The following DDX60L variants were observed in gnomAD, a reference collection of about 807,000 sequenced individuals.
DDX60L encodes the protein DExD/H-box 60 like, also known as probable ATP-dependent RNA helicase DDX60-like.
In DDX60L, 191 loss-of-function variants were observed where a neutral mutation model predicts 211.6. The ratio of observed to expected loss-of-function variants is 0.90; its 90% confidence interval spans 0.80 to 1.02. The LOEUF is 1.02. Among genes scored for constraint, DDX60L ranks in the 50% least tolerant of loss-of-function variants. The probability of loss-of-function intolerance (pLI) is 0.00; values close to 1 mark genes in which losing one functional copy is unlikely to be tolerated. For missense variants in DDX60L, 2,007 were observed against 1,984.1 expected (o/e 1.01, Z -0.22); for synonymous variants, 706 against 694.1 (o/e 1.02, Z -0.27).
At chr4:168,442,110 G>A (rs770148617) in intron 9 of DDX60L, among the ~76,000 whole-genome samples, 3 of 152,054 alleles carry the variant, frequency 2.0e-5, no homozygotes, top group South Asian at 2.1e-4. Flanking sequence ...TCTCACTAGG[G>A]AGTGCCAGAC....
At chr4:168,379,336 G>T in intron 32 of DDX60L, 27 bp downstream of exon 32, 2 of 1,484,572 alleles carry the variant, frequency 1.3e-6, no homozygotes, top group South Asian at 2.9e-5. Flanking sequence ...GCCATTTTTC[G>T]ACTACAGGTA....
At chr4:168,438,870 T>C (rs1005699585) in intron 10 of DDX60L, among the ~76,000 whole-genome samples, 2 of 152,372 alleles carry the variant, frequency 1.3e-5, no homozygotes, top group Middle Eastern at 3.4e-3. Context: ...TATTTTGTCT[T>C]GAAAATACGT....
At chr4:168,369,628 C>T (rs951695687) in intron 36 of DDX60L, among the ~76,000 whole-genome samples, 2 of 151,732 alleles carry the variant, frequency 1.3e-5, no homozygotes, top group African/African-American at 4.8e-5. Context: ...GTAAAGAAAA[C>T]AACAGAGTGG....
rs920317758 is a variant in DDX60L, at chr4:168,406,211, T to A, written c.3085-133A>T. The A allele has an allele frequency of 3.9e-6, 3 of 773,804 alleles. No individual in the cohort carries two copies. The African/African-American group carries it at 5.4e-5, about 14-fold the overall frequency. 47.9% of individuals were successfully genotyped at this position (773,804 alleles called of 1,614,324 possible). ...CCTTGAGGGCAGAGGCTGTTGAACATCTTTTTACCTCCCAATAATTTCTAA... is the reference window on the plus strand; with the variant it reads ...CCTTGAGGGCAGAGGCTGTTGAACAACTTTTTACCTCCCAATAATTTCTAA... On this transcript the variant is annotated intron_variant, in intron 23 of 37. Coordinates refer to ENST00000682922, the MANE Select transcript of DDX60L (RefSeq NM_001012967.3).
intron 16 of DDX60L, among the ~76,000 whole-genome samples, chr4:168,422,274 A>G (rs1043661761): frequency 2.6e-5 from 4 of 152,260 alleles, no homozygotes; most frequent in South Asian, 4.1e-4. Flanking sequence ...AAGAACTAGT[A>G]ATGCCACATT....
intron 10 of DDX60L, among the ~76,000 whole-genome samples, chr4:168,439,138 T>C (rs1050492796): frequency 3.9e-5 from 6 of 152,164 alleles, no homozygotes; most frequent in Admixed American, 1.3e-4. Context: ...TTTAAGGATA[T>C]GTATATGGGT....
At position 168,439,650 on chromosome 4, in the gene DDX60L, A is replaced by G. The variant is rs1239739251; in HGVS notation, c.1294+1687T>C. On this transcript the variant is annotated intron_variant, in intron 10 of 37. Coordinates refer to ENST00000682922, the MANE Select transcript of DDX60L (RefSeq NM_001012967.3). The stretch of plus-strand genomic sequence containing the variant: ...ACCTGTCAGCAGACTATTATTAAAA[A>G]TCAACAAGCCAATTATAAAATTTAA... 1.3e-5 allele frequency among the ~76,000 whole-genome samples: 2 copies of G among 152,354 alleles called. 1 individual carries two copies. Among genetic ancestry groups the G allele is most frequent in the East Asian group, 3.9e-4 (2 of 5,188 alleles).
intron 35 of DDX60L, among the ~76,000 whole-genome samples, chr4:168,372,634 G>A (rs1741227295): frequency 1.3e-5 from 2 of 151,998 alleles, no homozygotes; most frequent in African/African-American, 4.8e-5. Flanking sequence ...GACTGAGGTG[G>A]GAGGATCACC....
chr4:168,386,702 C>T lies in DDX60L; in HGVS notation c.3916-1890G>A, dbSNP rs3762854. ...GATGTTTTTTTAATCAAAGTCACGT[C>T]CCCAAGGGCCAGGTGAGCCTGCCTC... On this transcript the variant is annotated intron_variant, in intron 29 of 37. Coordinates refer to ENST00000682922, the MANE Select transcript of DDX60L (RefSeq NM_001012967.3). Among the ~76,000 whole-genome samples, 190 of 152,130 alleles carry T rather than the reference C, an allele frequency of 1.2e-3. 1 individual carries two copies. Among genetic ancestry groups the T allele is most frequent in the Admixed American group, 0.01 (156 of 15,278 alleles).
At position 168,441,387 on chromosome 4, in the gene DDX60L, A is replaced by G; in HGVS notation, c.1244T>C (p.Leu415Pro). Reference protein sequence around the residue: ...KEFNVGKSFPLRTTRRHFLRQ... With the variant: ...KEFNVGKSFPPRTTRRHFLRQ... ...AAGAAAATGTCTTCTTGTTGTTCTCAGAGGAAAAGACTTTCCAACGTTAAA... is the reference window on the plus strand; with the variant it reads ...AAGAAAATGTCTTCTTGTTGTTCTCGGAGGAAAAGACTTTCCAACGTTAAA... Residue 415 changes from leucine (L) to proline (P), a missense_variant, in exon 10 of 38, where the codon CTG becomes CCG. Leu to Pro is a moderately conservative substitution (Grantham distance 98). Coordinates refer to ENST00000682922, the MANE Select transcript of DDX60L (RefSeq NM_001012967.3). 1 of 1,612,508 alleles carries G rather than the reference A, an allele frequency of 6.2e-7. No individual in the cohort carries two copies. Among genetic ancestry groups the G allele is most frequent in the Non-Finnish European group, 8.5e-7 (1 of 1,179,230 alleles).
At chr4:168,472,546 G>A in intron 2 of DDX60L, 22 bp from the exon 3 acceptor site, 1 of 1,577,248 alleles carries the variant, frequency 6.3e-7, no homozygotes, top group Non-Finnish European at 8.6e-7. Flanking sequence ...GAGATTTTTT[G>A]AGCCATCAAT....
intron 18 of DDX60L, among the ~76,000 whole-genome samples, chr4:168,419,877 T>A (rs1750202445): frequency 6.6e-6 from 1 of 152,178 alleles, no homozygotes; most frequent in South Asian, 2.1e-4. Context: ...TAATCTTCTA[T>A]TTGAAATTTC....
At chr4:168,456,804 T>C (rs1403949530) in intron 6 of DDX60L, among the ~76,000 whole-genome samples, 1 of 152,334 alleles carries the variant, frequency 6.6e-6, no homozygotes, top group Non-Finnish European at 1.5e-5. Context: ...AATTTTGAAG[T>C]AATTTAAGTG....
At chr4:168,455,911 G>A (rs1336949422) in intron 7 of DDX60L, 128 bp downstream of exon 7, 4 of 612,740 alleles carry the variant, frequency 6.5e-6, no homozygotes, top group African/African-American at 2.0e-5. Flanking sequence ...AATTCCTAAT[G>A]AAGAAAATGG....
chr4:168,398,000 C>T (rs1011798779), intron 26 of DDX60L, among the ~76,000 whole-genome samples: 5 of 152,128 alleles, frequency 3.3e-5, no homozygotes, highest in African/African-American at 1.2e-4. Flanking sequence ...CAAGCCATGG[C>T]TGCAGACCCG....
chr4:168,471,971 A>C (rs569436719), intron 3 of DDX60L, 35 bp from the exon 4 acceptor site: 2 of 1,493,540 alleles, frequency 1.3e-6, no homozygotes, highest in Non-Finnish European at 9.1e-7. Flanking sequence ...AAAATCACAG[A>C]TGTTTCACAG....
intron 19 of DDX60L, 88 bp downstream of exon 19, chr4:168,419,214 C>G (rs141020889): frequency 1.2e-6 from 1 of 836,128 alleles, no homozygotes; most frequent in East Asian, 3.1e-5. Context: ...TAACTGCCAT[C>G]ATTGAAAAAG....
chr4:168,421,279 T>C (rs563385125), intron 17 of DDX60L, among the ~76,000 whole-genome samples: 17 of 152,346 alleles, frequency 1.1e-4, no homozygotes, highest in African/African-American at 4.1e-4. Flanking sequence ...TTTATATTCA[T>C]GATAGTGAAA....
chr4:168,395,992 G>T lies in DDX60L; in HGVS notation c.3624C>A (p.Ala1208=), dbSNP rs754656117. Residue 1208 remains alanine, a synonymous_variant, in exon 27 of 38, where the codon GCC becomes GCA. Transcript: ENST00000682922. ...TATTCCTGGTAATTTCAGTGTGTAG[G>T]GCTTTGACATCAGCATACGTGCAGT... ...SEDCTYADVK[A]LHTEITRNKD... is the part of the protein sequence containing the mutation. The T allele has an allele frequency of 4.4e-6, 7 of 1,607,954 alleles. No individual in the cohort carries two copies. The highest frequency in any genetic ancestry group is 5.9e-6 in the Non-Finnish European group (7 of 1,177,422).
Sources: gnomAD v4.1 joint callset for allele counts (sites outside exome capture counted in the v4.1 genomes callset) on GRCh38, gnomAD v4.1.1 for gene constraint, MANE v1.5 for transcripts, NCBI Gene and HGNC (gene_info 2026-07-23, HGNC 2026-07-21) for gene names.